Variants in LRIG3 observed in about 807,000 individuals in gnomAD.
The protein encoded by LRIG3 is leucine-rich repeats and immunoglobulin-like domains protein 3.
In LRIG3, 76 loss-of-function variants were observed where a neutral mutation model predicts 114.5. The ratio of observed to expected loss-of-function variants is 0.66; its 90% confidence interval spans 0.55 to 0.80. The LOEUF (loss-of-function observed/expected upper bound fraction) is 0.80, where lower values mean the gene tolerates loss of function less well. Ranked by LOEUF, LRIG3 falls within the 30% of genes least tolerant of loss-of-function variation. The pLI is 0.00. For missense variants in LRIG3, 1,239 were observed against 1,382.8 expected, an observed-to-expected ratio of 0.90 and a Z score of 1.65; for synonymous variants, 512 against 519.8, an observed-to-expected ratio of 0.98 and a Z score of 0.20.
rs755052796 is a variant in LRIG3, at chr12:58,878,888, T to G, written c.2019A>C (p.Val673=). The change falls in exon 14 of 19, where the codon GTA becomes GTC. Residue 673 remains valine (V), a synonymous_variant. Transcript: ENST00000320743. ...CACTGTTCTGAGCTGTGCAGCTGTA[T>G]ACCCCAATGTCCTCTATCTTCACAT... ...IVDVKIEDIG[V]YSCTAQNSAG... The G allele has an allele frequency of 1.4e-5, 22 of 1,614,106 alleles. No homozygotes were observed. The East Asian group carries it at 4.7e-4, about 34-fold the overall frequency.
chr12:58,903,510 C>T (rs1170552644), intron 3 of LRIG3, among the ~76,000 whole-genome samples: 2 of 151,998 alleles, frequency 1.3e-5, no homozygotes, highest in East Asian at 1.9e-4. Context: ...TCCCATTTTG[C>T]AGGTTGCCTG....
Position 58,882,962 on chromosome 12 carries a change from T to C in LRIG3, c.1387A>G (p.Asn463Asp). 6.2e-7 allele frequency: 1 copy of C among 1,614,172 alleles called. No individual in the cohort carries two copies. The highest frequency in any genetic ancestry group is 2.2e-5 in the East Asian group (1 of 44,880). The change falls in exon 12 of 19, where the codon AAC becomes GAC. Residue 463 changes from asparagine (N) to aspartate (D), a missense_variant. Transcript: ENST00000320743. ...CTGGCATTTACAAAGCTCTGAAAGT[T>C]GTTTTCCGCCACCCACTGTGGGAGC... ...KWLPQWVAEN[N>D]FQSFVNASCA... is the part of the protein sequence containing the mutation.
rs1870978623 is a variant in LRIG3, at chr12:58,877,768, C to T, written c.2168G>A (p.Ser723Asn). ...TAVLQCIAGGSPPPKLNWTKD... is the reference protein window; with the variant it reads ...TAVLQCIAGGNPPPKLNWTKD... ...GGTCCAGTTCAGTTTAGGGGGAGGG[C>T]TTCCTCCAGCAATGCACTGTAGGAC... Residue 723 changes from serine to asparagine, a missense_variant, in exon 15 of 19, where the codon AGC becomes AAC. Transcript: ENST00000320743. 6.2e-7 allele frequency: 1 copy of T among 1,614,206 alleles called. No individual in the cohort carries two copies. The highest frequency in any genetic ancestry group is 8.5e-7 in the Non-Finnish European group (1 of 1,180,024).
At position 58,880,729 on chromosome 12, in the gene LRIG3, G is replaced by T; in HGVS notation, c.1653C>A (p.His551Gln). 1 of 1,614,204 alleles carries T rather than the reference G, an allele frequency of 6.2e-7. No homozygotes were observed. Among genetic ancestry groups the T allele is most frequent in the Admixed American group, 1.7e-5 (1 of 60,030 alleles). ...LHDAEMENYA[H>Q]LRAQGGEVME... ...TCACCTCGCCACCTTGGGCCCGGAG[G>T]TGTGCATAATTTTCCATTTCAGCAT... The change falls in exon 13 of 19, where the codon CAC becomes CAA. Residue 551 changes from histidine to glutamine, a missense_variant. His to Gln is a conservative substitution (Grantham distance 24). Transcript: ENST00000320743.
chr12:58,894,043 TAC>T (rs1444116259), intron 3 of LRIG3, among the ~76,000 whole-genome samples: 1 of 152,208 alleles, frequency 6.6e-6, no homozygotes, highest in Non-Finnish European at 1.5e-5. Flanking sequence ...TAACAGACCA[TAC>T]AGTCTTTGGT....
At chr12:58,891,215 A>G (rs1490247106) in intron 3 of LRIG3, among the ~76,000 whole-genome samples, 1 of 152,114 alleles carries the variant, frequency 6.6e-6, no homozygotes, top group Non-Finnish European at 1.5e-5. Context: ...CCTGGGCTCA[A>G]GGAATATTCC....
chr12:58,913,740 C>T lies in LRIG3; in HGVS notation c.383+242G>A, dbSNP rs1393781088. 19 of 445,944 alleles carry T rather than the reference C, an allele frequency of 4.3e-5. No individual in the cohort carries two copies. The South Asian group carries it at 6.3e-4, about 15-fold the overall frequency. 27.6% of individuals were successfully genotyped at this position (445,944 alleles called of 1,614,324 possible). On this transcript the variant is annotated intron_variant, in intron 3 of 18. Coordinates refer to ENST00000320743, the MANE Select transcript of LRIG3 (RefSeq NM_153377.5). ...GTGTAAAGCTGGCCTCTTTGAATCT[C>T]GAAGACCAGTTCGGCAACAACAGCA...
At chr12:58,881,655 A>C (rs1227659242) in intron 12 of LRIG3, among the ~76,000 whole-genome samples, 2 of 152,060 alleles carry the variant, frequency 1.3e-5, no homozygotes. Context: ...CCATGATCTA[A>C]ACCCAGAAGG....
At chr12:58,887,044 A>G in intron 8 of LRIG3, 154 bp from the exon 9 acceptor site, 1 of 581,990 alleles carries the variant, frequency 1.7e-6, no homozygotes. Context: ...TCTCCAACTT[A>G]CCTCTTACAC....
Position 58,888,845 on chromosome 12 carries a change from A to G in LRIG3, c.777T>C (p.Phe259=), listed in dbSNP as rs2120910555. 2 of 1,613,804 alleles carry G rather than the reference A, an allele frequency of 1.2e-6. No individual in the cohort carries two copies. Among genetic ancestry groups the G allele is most frequent in the South Asian group, 2.2e-5 (2 of 91,056 alleles). Residue 259 remains phenylalanine, a synonymous_variant, in exon 6 of 19, where the codon TTT becomes TTC. Transcript: ENST00000320743. The part of the protein sequence containing the change: ...NGVTKLMDGA[F]WGLSNMEILQ... ...AAATTTCCATGTTGCTCAGCCCCCA[A>G]AAAGCTCCATCCATAAGTTTCGTTA...
chr12:58,910,786 G>C (rs1253677074), intron 3 of LRIG3, among the ~76,000 whole-genome samples: 1 of 152,060 alleles, frequency 6.6e-6, no homozygotes, highest in Non-Finnish European at 1.5e-5. Flanking sequence ...AACCAACAAG[G>C]CTCTTTTGTT....
At chr12:58,883,657 T>C in intron 10 of LRIG3, 66 bp from the exon 11 acceptor site, 2 of 1,266,474 alleles carry the variant, frequency 1.6e-6, no homozygotes, top group East Asian at 2.5e-5. Context: ...TGGACAAAGT[T>C]TGGGCCCCCA....
At position 58,876,582 on chromosome 12, in the gene LRIG3, T is replaced by C. The variant is rs765272679; in HGVS notation, c.2558A>G (p.Asp853Gly). ...CTGAGATGACAAATAACTAGGAATA[T>C]CTGCTGGCAAGTTGGTCTCATCTGT... ...TNTDETNLPA[D>G]IPSYLSSQGT... Residue 853 changes from aspartate (D) to glycine (G), a missense_variant, in exon 16 of 19, where the codon GAT becomes GGT. By Grantham distance (94) the Asp-to-Gly change is moderately conservative. Transcript: ENST00000320743. 4.1e-5 allele frequency: 66 copies of C among 1,614,072 alleles called. 1 individual carries two copies. The highest frequency in any genetic ancestry group is 2.3e-5 in the Non-Finnish European group (27 of 1,180,028).
chr12:58,882,752 C>G (rs1319809805), intron 12 of LRIG3, 117 bp downstream of exon 12: 1 of 1,138,614 alleles, frequency 8.8e-7, no homozygotes, highest in African/African-American at 1.6e-5. Context: ...TCCTCTACCT[C>G]AGCAGAAATA....
chr12:58,896,170 A>C (rs1435500102), intron 3 of LRIG3, among the ~76,000 whole-genome samples: 1 of 152,248 alleles, frequency 6.6e-6, no homozygotes, highest in Admixed American at 6.5e-5. Flanking sequence ...GAACTGTGCT[A>C]GTTTGTTCGG....
At chr12:58,882,524 A>C (rs909492142) in intron 12 of LRIG3, among the ~76,000 whole-genome samples, 7 of 152,210 alleles carry the variant, frequency 4.6e-5, no homozygotes, top group African/African-American at 1.7e-4. Context: ...AGTTGGGAAG[A>C]GAAGAAAGGA....
At chr12:58,880,028 C>T (rs938831271) in intron 13 of LRIG3, among the ~76,000 whole-genome samples, 188 of 152,258 alleles carry the variant, frequency 1.2e-3, no homozygotes, top group African/African-American at 4.3e-3. Context: ...CACGGTGGCT[C>T]ACACCTGTAA....
At chr12:58,919,919 C>T in intron 1 of LRIG3, 81 bp downstream of exon 1, 2 of 1,362,396 alleles carry the variant, frequency 1.5e-6, no homozygotes, top group Non-Finnish European at 2.0e-6. Flanking sequence ...GACTGCACGC[C>T]GAACCCCATT....
rs1871358972 is a variant in LRIG3, at chr12:58,888,802, T to G, written c.803+17A>C. ...GATCATACTACCTCAGTAGGAACTG[T>G]GATAACCCACACTTACAAAATTTCC... is the stretch of plus-strand genomic sequence containing the variant. On this transcript the variant is annotated intron_variant, in intron 6 of 18. Coordinates refer to ENST00000320743, the MANE Select transcript of LRIG3 (RefSeq NM_153377.5). 1 of 1,612,850 alleles carries G rather than the reference T, an allele frequency of 6.2e-7. No homozygotes were observed. Among genetic ancestry groups the G allele is most frequent in the African/African-American group, 1.3e-5 (1 of 74,856 alleles).
Sources: gnomAD v4.1 joint callset for allele counts (sites outside exome capture counted in the v4.1 genomes callset) on GRCh38, gnomAD v4.1.1 for gene constraint, MANE v1.5 for transcripts, NCBI Gene and HGNC (gene_info 2026-07-23, HGNC 2026-07-21) for gene names.